PDK1: variants seen among roughly 807,000 people sequenced by gnomAD.
PDK1 encodes [Pyruvate dehydrogenase (acetyl-transferring)] kinase isozyme 1, mitochondrial.
Under a neutral mutation model 54.2 loss-of-function variants are expected in PDK1, and 39 were observed. The ratio of observed to expected loss-of-function variants is 0.72; its 90% CI spans 0.56 to 0.94. The LOEUF (loss-of-function observed/expected upper bound fraction) is 0.94. PDK1 is among the 40% of genes least tolerant of loss of function. PDK1 has a pLI of 0.00. For synonymous variants in PDK1, 221 were observed against 207.1 expected (o/e 1.07, Z -0.58); for missense variants, 552 against 566.0 (o/e 0.98, Z 0.25).
chr2:172,636,710 G>T, the PDK1 span, among the ~76,000 whole-genome samples: 1 of 119,446 alleles, frequency 8.4e-6, no homozygotes, highest in Non-Finnish European at 1.7e-5. Context: ...GACAGAGCAA[G>T]ACTCCATCTC....
chr2:172,614,172 AC>A, the PDK1 span, among the ~76,000 whole-genome samples: 15,989 of 132,812 alleles, frequency 0.12, 1,488 homozygotes, highest in East Asian at 0.55. Flanking sequence ...CCCAGGAAGG[AC>A]CCCCCCCCCC....
At chr2:172,591,071 G>T (rs914932540) in intron 9 of PDK1, among the ~76,000 whole-genome samples, 7 of 152,178 alleles carry the variant, frequency 4.6e-5, no homozygotes, top group African/African-American at 1.7e-4. Context: ...GGGCCAGCGG[G>T]TCAGTCCAGG....
chr2:172,693,422 T>G, the PDK1 span, among the ~76,000 whole-genome samples: 3 of 152,258 alleles, frequency 2.0e-5, no homozygotes, highest in African/African-American at 7.2e-5. Context: ...TACTTGACTA[T>G]GCTTTTGTTT....
chr2:172,702,433 T>C, the PDK1 span, among the ~76,000 whole-genome samples: 9 of 150,590 alleles, frequency 6.0e-5, no homozygotes, highest in African/African-American at 2.2e-4. Context: ...GCCGAGATCG[T>C]GCCATTGCAC....
the PDK1 span, among the ~76,000 whole-genome samples, chr2:172,648,790 C>T: frequency 3.0e-4 from 45 of 152,310 alleles, 1 homozygote; most frequent in Middle Eastern, 0.01. Context: ...GGGGGAGGGG[C>T]GTCTTCCATT....
the PDK1 span, among the ~76,000 whole-genome samples, chr2:172,647,255 T>G: frequency 1.3e-5 from 2 of 152,070 alleles, no homozygotes; most frequent in African/African-American, 4.8e-5. Context: ...AATCAGAGTC[T>G]CGGGAGGGGG....
the PDK1 span, among the ~76,000 whole-genome samples, chr2:172,692,945 C>G: frequency 6.6e-6 from 1 of 152,230 alleles, no homozygotes; most frequent in Admixed American, 6.5e-5. Flanking sequence ...TCTGCAGTTA[C>G]AGCTTCACAG....
the PDK1 span, among the ~76,000 whole-genome samples, chr2:172,720,315 G>A: frequency 3.3e-5 from 5 of 151,934 alleles, no homozygotes; most frequent in Admixed American, 2.0e-4. Context: ...AGGTTTCACC[G>A]TGTTGGCCAG....
At chr2:172,653,799 C>T in the PDK1 span, among the ~76,000 whole-genome samples, 1 of 152,150 alleles carries the variant, frequency 6.6e-6, no homozygotes, top group South Asian at 2.1e-4. Flanking sequence ...TAAAGAGCTT[C>T]TGCACAGCGA....
At chr2:172,629,940 G>A in the PDK1 span, among the ~76,000 whole-genome samples, 30 of 152,216 alleles carry the variant, frequency 2.0e-4, no homozygotes, top group Non-Finnish European at 5.9e-5. Flanking sequence ...GTCAAGGGAA[G>A]TATTCGGTTT....
chr2:172,556,140 CG>C lies in PDK1; in HGVS notation c.-8del. On this transcript the variant is annotated 5_prime_UTR_variant, in exon 1 of 11. Transcript: ENST00000282077. ...GGCGTACTGGCTGTGGCTTCTCTAGCGGGACTCGGCATGAGGCTGGCGCGGC... is the reference window on the plus strand; with the variant it reads ...GGCGTACTGGCTGTGGCTTCTCTAGCGGACTCGGCATGAGGCTGGCGCGGC... 7.1e-7 allele frequency: 1 copy of C among 1,402,712 alleles called. No homozygotes were observed. The highest frequency in any genetic ancestry group is 9.2e-7 in the Non-Finnish European group (1 of 1,084,648). 86.9% of individuals were successfully genotyped at this position (1,402,712 alleles called of 1,614,324 possible).
At position 172,597,024 on chromosome 2, in the gene PDK1, T is replaced by C. The variant is rs555488934; in HGVS notation, c.*1055T>C. The C allele has an allele frequency of 1.9e-4, 29 of 152,262 alleles. No individual in the cohort carries two copies. In the East Asian group the frequency reaches 5.6e-3, roughly 29 times the overall value. The allele number at this position is 152,262 out of a possible 1,614,324, so 9.4% of individuals were successfully genotyped here. A position where few individuals can be genotyped will look rare whatever the true frequency, so the allele number is the denominator to read the frequency against. On this transcript the variant is annotated 3_prime_UTR_variant, in exon 11 of 11. Coordinates refer to ENST00000282077, the MANE Select transcript of PDK1 (RefSeq NM_002610.5). ...AAACTGAATCCCACACCTGGTGCAA[T>C]TAGAAGCATAATTAGAAGCAGAAGA...
chr2:172,596,606 C>A lies in PDK1; in HGVS notation c.*637C>A, dbSNP rs1276121512. ...GATCTATGCCAAAATCATGGGCCAT[C>A]TTTTCTAAGTGTACTTCTGATTAAT... On this transcript the variant is annotated 3_prime_UTR_variant, in exon 11 of 11. Transcript: ENST00000282077. 1 of 152,160 alleles carries A rather than the reference C, an allele frequency of 6.6e-6. No individual in the cohort carries two copies. Among genetic ancestry groups the A allele is most frequent in the East Asian group, 1.9e-4 (1 of 5,192 alleles). The allele number at this position is 152,160 out of a possible 1,614,324, so 9.4% of individuals were successfully genotyped here.
chr2:172,659,226 T>C, the PDK1 span, among the ~76,000 whole-genome samples: 1 of 152,182 alleles, frequency 6.6e-6, no homozygotes, highest in Non-Finnish European at 1.5e-5. Flanking sequence ...AGACAAAATA[T>C]CATGTTGAAA....
At chr2:172,710,554 A>G in the PDK1 span, among the ~76,000 whole-genome samples, 1 of 152,238 alleles carries the variant, frequency 6.6e-6, no homozygotes, top group East Asian at 1.9e-4. Flanking sequence ...AGGTCAGGAA[A>G]GTTATGAAGA....
At chr2:172,622,074 ATAT>A in the PDK1 span, among the ~76,000 whole-genome samples, 38 of 132,014 alleles carry the variant, frequency 2.9e-4, no homozygotes, top group African/African-American at 1.0e-3. Context: ...TATATCTCAT[ATAT>A]TATGTGAGAT....
rs141747364 is a variant in PDK1 at position 172,608,361 on chromosome 2, C to T, written c.*12392C>T. On this transcript the variant is annotated 3_prime_UTR_variant, in exon 11 of 11. Transcript: ENST00000282077. ...TAGGTGATTATATAGCTAGTTTACT[C>T]TTCCACCCCCAAGATTCTGGGGTAT... 329 of 152,266 alleles carry T rather than the reference C, an allele frequency of 2.2e-3. 5 individuals are homozygous for T. The highest frequency in any genetic ancestry group is 7.6e-3 in the African/African-American group (316 of 41,562). The allele number at this position is 152,266 out of a possible 1,614,324, so 9.4% of individuals were successfully genotyped here.
chr2:172,588,026 T>C (rs6710129), intron 9 of PDK1, among the ~76,000 whole-genome samples: 41,318 of 152,154 alleles, frequency 0.27, 7,061 homozygotes, highest in African/African-American at 0.49. Context: ...CCAGTCCAGC[T>C]GGTTTCACCT....
At chr2:172,561,474 G>C (rs1269956591) in intron 2 of PDK1, among the ~76,000 whole-genome samples, 1 of 152,200 alleles carries the variant, frequency 6.6e-6, no homozygotes, top group African/African-American at 2.4e-5. Flanking sequence ...TGCAGATAAA[G>C]TGCTTACAGC....
Sources: gnomAD v4.1 joint callset for allele counts (sites outside exome capture counted in the v4.1 genomes callset) on GRCh38, gnomAD v4.1.1 for gene constraint, MANE v1.5 for transcripts, NCBI Gene and HGNC (gene_info 2026-07-23, HGNC 2026-07-21) for gene names.